Variants in TOX2 observed in about 807,000 individuals in gnomAD.
TOX2 encodes TOX high mobility group box family member 2, also known as granulosa cell HMG box 1.
In TOX2, 15 loss-of-function variants were observed where a neutral mutation model predicts 47.4. The ratio of observed to expected loss-of-function variants is 0.32; its 90% CI spans 0.21 to 0.49. The LOEUF (loss-of-function observed/expected upper bound fraction) is 0.49. Among genes scored for constraint, TOX2 ranks in the 20% least tolerant of loss-of-function variants. TOX2 has a pLI of 0.99. For synonymous variants in TOX2, 290 were observed against 296.6 expected (o/e 0.98, Z 0.23); for missense variants, 622 against 673.1 (o/e 0.92, Z 0.84).
chr20:43,938,808 G>A (rs548475964), intron 1 of TOX2, among the ~76,000 whole-genome samples: 31 of 152,346 alleles, frequency 2.0e-4, no homozygotes, highest in African/African-American at 7.2e-4. Flanking sequence ...CATTGAGGGG[G>A]TGACTGGTCT....
intron 1 of TOX2, among the ~76,000 whole-genome samples, chr20:43,970,096 A>T (rs1408527027): frequency 1.3e-5 from 2 of 152,190 alleles, no homozygotes; most frequent in African/African-American, 4.8e-5. Flanking sequence ...ATTATATAGT[A>T]GGCTCTAGAA....
intron 5 of TOX2, among the ~76,000 whole-genome samples, chr20:44,055,032 CT>C (rs2071593807): frequency 6.6e-6 from 1 of 152,224 alleles, no homozygotes; most frequent in East Asian, 1.9e-4. Context: ...GTGCTGGCTA[CT>C]CCTTCTCTGA....
At chr20:43,945,807 T>TG (rs2069459165) in intron 1 of TOX2, 4 of 1,465,494 alleles carry the variant, frequency 2.7e-6, no homozygotes, top group East Asian at 2.3e-5. Flanking sequence ...ACGAATGGGA[T>TG]GGGGGGTGGG....
intron 5 of TOX2, among the ~76,000 whole-genome samples, chr20:44,064,143 A>G (rs1266386247): frequency 2.6e-5 from 4 of 152,338 alleles, no homozygotes; most frequent in African/African-American, 9.6e-5. Context: ...AAGAGTTCCA[A>G]GAGTAGCAAG....
chr20:44,006,895 T>G, intron 3 of TOX2, 103 bp downstream of exon 3: 1 of 1,457,254 alleles, frequency 6.9e-7, no homozygotes, highest in East Asian at 2.5e-5. Flanking sequence ...TCTCTGCTCA[T>G]GGGCAGGGTC....
chr20:44,035,465 C>T, intron 3 of TOX2, among the ~76,000 whole-genome samples: 1 of 152,140 alleles, frequency 6.6e-6, no homozygotes, highest in East Asian at 1.9e-4. Context: ...TCGGTGGCCG[C>T]CGCCTTCTGC....
intron 1 of TOX2, among the ~76,000 whole-genome samples, chr20:43,965,405 C>T (rs1315463364): frequency 1.3e-5 from 2 of 152,134 alleles, no homozygotes; most frequent in African/African-American, 4.8e-5. Flanking sequence ...TCATCTTCTC[C>T]AAAGGACTGG....
intron 1 of TOX2, among the ~76,000 whole-genome samples, chr20:43,947,614 AAT>A (rs1180830284): frequency 2.0e-5 from 3 of 152,200 alleles, no homozygotes; most frequent in Non-Finnish European, 4.4e-5. Context: ...AGCCCTGGCT[AAT>A]AGGAATTCTT....
chr20:44,036,682 G>A (rs921422610), intron 3 of TOX2, among the ~76,000 whole-genome samples: 2 of 152,256 alleles, frequency 1.3e-5, no homozygotes, highest in African/African-American at 4.8e-5. Context: ...CACAGCCACA[G>A]CCCTTCATTT....
chr20:43,960,403 A>T (rs543138125), intron 1 of TOX2, among the ~76,000 whole-genome samples: 4 of 152,288 alleles, frequency 2.6e-5, no homozygotes, highest in Admixed American at 6.5e-5. Flanking sequence ...CCTGGATCCG[A>T]TGGCCATCCC....
At chr20:43,995,984 CAT>C (rs529107531) in intron 2 of TOX2, among the ~76,000 whole-genome samples, 45 of 152,228 alleles carry the variant, frequency 3.0e-4, no homozygotes, top group East Asian at 2.9e-3. Flanking sequence ...TTTGTGTACA[CAT>C]GTCTTTATGG....
At chr20:44,055,129 T>G (rs550611380) in intron 5 of TOX2, among the ~76,000 whole-genome samples, 2 of 152,274 alleles carry the variant, frequency 1.3e-5, no homozygotes, top group South Asian at 4.1e-4. Flanking sequence ...TCCTGTTTGG[T>G]AGAGACACCA....
chr20:44,002,096 TATC>T (rs2070593773), intron 2 of TOX2, among the ~76,000 whole-genome samples: 1 of 151,916 alleles, frequency 6.6e-6, no homozygotes, highest in African/African-American at 2.4e-5. Flanking sequence ...AAGCCACAGA[TATC>T]ATATCACCCC....
At chr20:44,030,209 G>A (rs1467025652) in intron 3 of TOX2, among the ~76,000 whole-genome samples, 1 of 152,108 alleles carries the variant, frequency 6.6e-6, no homozygotes, top group Non-Finnish European at 1.5e-5. Context: ...TCCTATGTAA[G>A]CAGCCCATGA....
intron 5 of TOX2, among the ~76,000 whole-genome samples, chr20:44,064,212 T>C (rs931466590): frequency 1.3e-5 from 2 of 152,218 alleles, no homozygotes; most frequent in Non-Finnish European, 2.9e-5. Flanking sequence ...TTTGTGCTTG[T>C]CTTATTGGCC....
chr20:44,050,971 G>T (rs2071498927), intron 3 of TOX2, among the ~76,000 whole-genome samples: 1 of 152,200 alleles, frequency 6.6e-6, no homozygotes, highest in South Asian at 2.1e-4. Flanking sequence ...GAGACATATT[G>T]CATTCCAGGA....
intron 2 of TOX2, among the ~76,000 whole-genome samples, chr20:43,977,103 C>A (rs1296353809): frequency 6.6e-6 from 1 of 152,164 alleles, no homozygotes; most frequent in East Asian, 1.9e-4. Context: ...AACATCCAAT[C>A]AATATATGTA....
chr20:43,958,529 A>AC (rs1476716269), intron 1 of TOX2, among the ~76,000 whole-genome samples: 1 of 150,448 alleles, frequency 6.6e-6, no homozygotes, highest in East Asian at 2.0e-4. Context: ...GTGCTTTATC[A>AC]CCCCCCTCCA....
chr20:43,931,019 G>C (rs1264225920), intron 1 of TOX2, among the ~76,000 whole-genome samples: 1 of 152,190 alleles, frequency 6.6e-6, no homozygotes, highest in East Asian at 1.9e-4. Flanking sequence ...TGTCGGCTTT[G>C]GAAGTGTGGG....
Sources: gnomAD v4.1 joint callset for allele counts (sites outside exome capture counted in the v4.1 genomes callset) on GRCh38, gnomAD v4.1.1 for gene constraint, MANE v1.5 for transcripts, NCBI Gene and HGNC (gene_info 2026-07-23, HGNC 2026-07-21) for gene names.